Variants in HDAC9 observed in about 807,000 individuals in gnomAD.
HDAC9 encodes the protein MEF-2 interacting transcription repressor (MITR) protein.
Under a neutral mutation model 139.4 loss-of-function variants are expected in HDAC9, and 41 were observed. The ratio of observed to expected loss-of-function variants is 0.29; its 90% CI spans 0.23 to 0.38. The LOEUF (loss-of-function observed/expected upper bound fraction) is 0.38. Ranked by LOEUF, HDAC9 falls within the 10% of genes least tolerant of loss-of-function variation. The pLI is 1.00. For synonymous variants in HDAC9, 517 were observed against 476.2 expected (o/e 1.09, Z -1.12); for missense variants, 1,147 against 1,297.0 (o/e 0.88, Z 1.78).
chr7:18,244,362 T>G (rs1794379832), intron 2 of HDAC9, among the ~76,000 whole-genome samples: 1 of 152,176 alleles, frequency 6.6e-6, no homozygotes, highest in South Asian at 2.1e-4. Context: ...TACTGCAAAA[T>G]GCAAACAGAT....
chr7:18,411,716 A>G (rs913632546), intron 1 of HDAC9, among the ~76,000 whole-genome samples: 7 of 151,888 alleles, frequency 4.6e-5, no homozygotes, highest in African/African-American at 1.5e-4. Context: ...GATTTTGCCC[A>G]AATGTAGGCT....
chr7:18,345,916 C>T (rs1782382334), intron 1 of HDAC9, among the ~76,000 whole-genome samples: 1 of 151,996 alleles, frequency 6.6e-6, no homozygotes, highest in African/African-American at 2.4e-5. Context: ...TGTTTCTCTT[C>T]AAGGAGCCGC....
intron 8 of HDAC9, among the ~76,000 whole-genome samples, chr7:18,641,080 A>G (rs1785453397): frequency 6.6e-6 from 1 of 152,086 alleles, no homozygotes; most frequent in South Asian, 2.1e-4. Flanking sequence ...CCATTTTTCT[A>G]ATTATACCCA....
chr7:18,622,747 T>C (rs970592541), intron 6 of HDAC9, among the ~76,000 whole-genome samples: 11 of 152,198 alleles, frequency 7.2e-5, no homozygotes, highest in African/African-American at 1.2e-4. Context: ...TTCCTTATGA[T>C]AATTTTCAAT....
chr7:18,544,857 G>A (rs1048363922), intron 2 of HDAC9, among the ~76,000 whole-genome samples: 1 of 152,172 alleles, frequency 6.6e-6, no homozygotes, highest in Non-Finnish European at 1.5e-5. Flanking sequence ...GGCAAATGTT[G>A]ACTTACTTAT....
At chr7:18,622,242 A>C (rs973719713) in intron 6 of HDAC9, among the ~76,000 whole-genome samples, 1 of 152,166 alleles carries the variant, frequency 6.6e-6, no homozygotes, top group Admixed American at 6.5e-5. Context: ...CTTGACCTTC[A>C]CCTATGATTA....
At chr7:18,825,190 T>A (rs1283610443) in intron 17 of HDAC9, among the ~76,000 whole-genome samples, 1 of 152,202 alleles carries the variant, frequency 6.6e-6, no homozygotes, top group African/African-American at 2.4e-5. Context: ...AATAGAAATC[T>A]GTGAAGTGTA....
At chr7:18,246,402 G>A (rs1253229032) in intron 2 of HDAC9, among the ~76,000 whole-genome samples, 2 of 151,870 alleles carry the variant, frequency 1.3e-5, no homozygotes, top group Non-Finnish European at 1.5e-5. Context: ...TTTAGTGTAC[G>A]ATTCATTGGC....
At chr7:18,373,084 TA>T (rs1369967012) in intron 1 of HDAC9, among the ~76,000 whole-genome samples, 4 of 152,198 alleles carry the variant, frequency 2.6e-5, no homozygotes, top group African/African-American at 4.8e-5. Flanking sequence ...CCATTATTTT[TA>T]CAAGTACTTA....
chr7:18,172,438 G>A (rs1311173947), intron 2 of HDAC9, among the ~76,000 whole-genome samples: 1 of 151,956 alleles, frequency 6.6e-6, no homozygotes, highest in East Asian at 1.9e-4. Flanking sequence ...GGTTTTTTAT[G>A]TCTCTATCTC....
At chr7:18,514,779 A>G (rs1001736379) in intron 2 of HDAC9, among the ~76,000 whole-genome samples, 1 of 152,022 alleles carries the variant, frequency 6.6e-6, no homozygotes, top group Non-Finnish European at 1.5e-5. Context: ...GTCTCTACAA[A>G]AATAAAAACG....
intron 1 of HDAC9, among the ~76,000 whole-genome samples, chr7:18,097,178 G>A (rs774772036): frequency 1.3e-5 from 2 of 152,112 alleles, no homozygotes; most frequent in Non-Finnish European, 2.9e-5. Flanking sequence ...ATGATAAAAT[G>A]TACTTTCTCA....
At chr7:18,622,696 A>G (rs1026302759) in intron 6 of HDAC9, among the ~76,000 whole-genome samples, 3 of 152,044 alleles carry the variant, frequency 2.0e-5, no homozygotes, top group African/African-American at 4.8e-5. Flanking sequence ...ATATGTTAAA[A>G]TATTTATATA....
chr7:18,473,143 A>G (rs1194804564), intron 1 of HDAC9, among the ~76,000 whole-genome samples: 1 of 152,240 alleles, frequency 6.6e-6, no homozygotes, highest in Admixed American at 6.5e-5. Flanking sequence ...AGGGATCGCC[A>G]GCATTACTTA....
chr7:18,182,153 C>G (rs1052931502), intron 2 of HDAC9, among the ~76,000 whole-genome samples: 1 of 152,106 alleles, frequency 6.6e-6, no homozygotes, highest in African/African-American at 2.4e-5. Context: ...ACTTTCTGGC[C>G]TGGAAACTTG....
chr7:18,754,132 G>A (rs546949594), intron 14 of HDAC9, among the ~76,000 whole-genome samples: 2 of 152,042 alleles, frequency 1.3e-5, no homozygotes, highest in Non-Finnish European at 2.9e-5. Context: ...AGTTGAGGCA[G>A]TTAGTAGTCC....
intron 3 of HDAC9, among the ~76,000 whole-genome samples, chr7:18,586,796 A>G (rs983685714): frequency 2.0e-5 from 3 of 152,068 alleles, no homozygotes; most frequent in African/African-American, 7.2e-5. Flanking sequence ...AAGTGAGAGT[A>G]TTTTCTTTTG....
rs551125334 is a variant in HDAC9, at chr7:18,272,793, T to C, written c.25+110444T>C. Among the ~76,000 whole-genome samples, 14 of 152,200 alleles carry C rather than the reference T, an allele frequency of 9.2e-5. No homozygotes were observed. In the East Asian group the frequency reaches 2.7e-3, roughly 29 times the overall value. On this transcript the variant is annotated intron_variant, in intron 2 of 12. Coordinates refer to the HDAC9 transcript ENST00000417496. ...ATCAAGACCTTAACAAATTTTTAAA[T>C]AGAATTTGACAAGCTAATTCTCAGA... is the stretch of plus-strand genomic sequence containing the variant.
At chr7:18,637,732 C>G (rs1784341260) in intron 8 of HDAC9, among the ~76,000 whole-genome samples, 1 of 152,034 alleles carries the variant, frequency 6.6e-6, no homozygotes, top group Admixed American at 6.6e-5. Flanking sequence ...AGTAGCCTCT[C>G]TGTGGCCCAG....
Sources: allele counts gnomAD v4.1 joint callset (sites outside exome capture counted in the v4.1 genomes callset), GRCh38; gene constraint gnomAD v4.1.1; transcripts MANE v1.5; gene names NCBI Gene and HGNC (gene_info 2026-07-23, HGNC 2026-07-21).